CALHM4: variants seen among roughly 807,000 people sequenced by gnomAD.
CALHM4 encodes calcium homeostasis modulator protein 4.
A neutral mutation model predicts 13.3 loss-of-function variants in CALHM4; 16 were observed. The ratio of observed to expected loss-of-function variants is 1.20; its 90% CI spans 0.81 to 1.82. The LOEUF (loss-of-function observed/expected upper bound fraction) is 1.82, where lower values mean the gene tolerates loss of function less well. Among genes scored for constraint, CALHM4 ranks in the 40% most tolerant of loss-of-function variants. The pLI is 0.00. For synonymous variants in CALHM4, 127 were observed against 137.1 expected (o/e 0.93, Z 0.52); for missense variants, 344 against 374.9 (o/e 0.92, Z 0.68).
chr6:116,554,910 C>T (rs1436407657), intron 1 of CALHM4, among the ~76,000 whole-genome samples: 9 of 152,204 alleles, frequency 5.9e-5, no homozygotes, highest in African/African-American at 2.2e-4. Flanking sequence ...GGAAGAAAGC[C>T]TGAACCCTAC....
At chr6:116,555,778 A>G (rs576444249) in intron 1 of CALHM4, among the ~76,000 whole-genome samples, 1 of 152,338 alleles carries the variant, frequency 6.6e-6, no homozygotes, top group Admixed American at 6.5e-5. Context: ...TGAATTGACC[A>G]CAAAATCACC....
At chr6:116,556,162 C>T (rs2115296185) in intron 1 of CALHM4, among the ~76,000 whole-genome samples, 1 of 152,308 alleles carries the variant, frequency 6.6e-6, no homozygotes, top group African/African-American at 2.4e-5. Context: ...ATAATTTAGG[C>T]TTTTGCATTA....
chr6:116,542,610 A>G (rs1232671119), intron 1 of CALHM4, among the ~76,000 whole-genome samples: 2 of 152,098 alleles, frequency 1.3e-5, no homozygotes, highest in African/African-American at 2.4e-5. Flanking sequence ...ATTGTTTGGC[A>G]ATCATCTGAT....
chr6:116,555,964 G>C (rs1165755005), intron 1 of CALHM4, among the ~76,000 whole-genome samples: 1 of 152,064 alleles, frequency 6.6e-6, no homozygotes, highest in Non-Finnish European at 1.5e-5. Context: ...TTTTCTACTA[G>C]CCTAAGAACA....
rs1333031730 is a variant in CALHM4 at position 116,539,165 on chromosome 6, A to G, written c.-108-4600A>G. Among the ~76,000 whole-genome samples the G allele has an allele frequency of 6.6e-5, 10 of 152,366 alleles. No individual in the cohort carries two copies. The East Asian group carries it at 1.9e-3, about 29-fold the overall frequency. ...ATATTACAAGTATTTACTTTCCATT[A>G]AAACAGCTGGTATTCTTGTAGTATT... On this transcript the variant is annotated intron_variant, in intron 1 of 2. Coordinates refer to the CALHM4 transcript ENST00000368597.
chr6:116,553,716 T>G, upstream of CALHM4: 1 of 1,282,970 alleles, frequency 7.8e-7, no homozygotes, highest in Non-Finnish European at 1.1e-6. Flanking sequence ...ACCAGTAAGA[T>G]CCCATAAAAT....
At chr6:116,553,204 T>C (rs1774158823), upstream of CALHM4, among the ~76,000 whole-genome samples, 1 of 152,220 alleles carries the variant, frequency 6.6e-6, no homozygotes, top group Admixed American at 6.5e-5. Context: ...ATTTAAAATT[T>C]TTATGCAAAG....
At chr6:116,531,827 G>C (rs1197129802) in intron 1 of CALHM4, among the ~76,000 whole-genome samples, 2 of 149,466 alleles carry the variant, frequency 1.3e-5, no homozygotes, top group African/African-American at 4.9e-5. Context: ...ATAAATAATG[G>C]AAAAAACAAT....
chr6:116,545,706 G>T (rs766344942), intron 2 of CALHM4: 47 of 423,084 alleles, frequency 1.1e-4, no homozygotes, highest in Non-Finnish European at 1.7e-4. Flanking sequence ...TGAACAACAG[G>T]ATTGTCTTAT....
Position 116,554,136 on chromosome 6 carries a change from C to T in CALHM4, c.343C>T (p.Pro115Ser). 6.4e-7 allele frequency: 1 copy of T among 1,550,590 alleles called. No individual in the cohort carries two copies. The highest frequency in any genetic ancestry group is 8.7e-7 in the Non-Finnish European group (1 of 1,146,994). ...CATCACTGGGAGGGCAGTTATTGCT[C>T]CTTTAACTTGGCTGGCGGTGACCCT... ...FSITGRAVIA[P>S]LTWLAVTLLT... The change falls in exon 1 of 2, where the codon CCT becomes TCT. Residue 115 changes from proline (P) to serine (S), a missense_variant. Transcript: ENST00000368596.
Position 116,558,088 on chromosome 6 carries a change from T to C in CALHM4, c.822T>C (p.Asp274=), listed in dbSNP as rs1343463878. The change falls in exon 2 of 2, where the codon GAT becomes GAC. Residue 274 remains aspartate, a synonymous_variant. Coordinates refer to ENST00000368596, the MANE Select transcript of CALHM4 (RefSeq NM_001366078.2). ...TTCCTTCTTGTCAGGACTGGAAAGA[T>C]ATTTCAGTACCCACTCTTTTATGCA... ...IRIPSCQDWK[D]ISVPTLLCMG... 6.2e-7 allele frequency: 1 copy of C among 1,614,164 alleles called. No individual in the cohort carries two copies. The highest frequency in any genetic ancestry group is 8.5e-7 in the Non-Finnish European group (1 of 1,180,012).
intron 1 of CALHM4, among the ~76,000 whole-genome samples, chr6:116,533,769 G>A (rs1043926265): frequency 6.6e-6 from 1 of 151,802 alleles, no homozygotes; most frequent in South Asian, 2.1e-4. Flanking sequence ...TGTCTCTAGC[G>A]TGCCTTTTGT....
chr6:116,546,351 C>G (rs9374611), intron 2 of CALHM4, among the ~76,000 whole-genome samples: 1 of 151,982 alleles, frequency 6.6e-6, no homozygotes, highest in Admixed American at 6.6e-5. Context: ...AATCCTTTCA[C>G]CTTGACAACT....
intron 1 of CALHM4, among the ~76,000 whole-genome samples, chr6:116,557,609 C>T (rs1305485465): frequency 6.6e-6 from 1 of 152,160 alleles, no homozygotes; most frequent in Non-Finnish European, 1.5e-5. Flanking sequence ...CTTTGTAACT[C>T]AAAAACGAAG....
chr6:116,557,909 T>G lies in CALHM4; in HGVS notation c.643T>G (p.Ser215Ala), dbSNP rs757401230. ...GGCAAAGTGCTGCTCTCCCCTCACC[T>G]CTCTGCAACATTGCTACTGGACCAG... ...CVAKCCSPLT[S>A]LQHCYWTSHL... is the part of the protein sequence containing the mutation. Residue 215 changes from serine (S) to alanine (A), a missense_variant, in exon 2 of 2, where the codon TCT becomes GCT. Transcript: ENST00000368596. The G allele has an allele frequency of 1.2e-6, 2 of 1,613,934 alleles. No individual in the cohort carries two copies. The highest frequency in any genetic ancestry group is 3.3e-5 in the Admixed American group (2 of 59,988).
At position 116,559,613 on chromosome 6, in the gene CALHM4, A is replaced by G. The variant is rs905963957; in HGVS notation, c.*1402A>G. Among the ~76,000 whole-genome samples, 1 of 151,986 alleles carries G rather than the reference A, an allele frequency of 6.6e-6. No individual in the cohort carries two copies. Among genetic ancestry groups the G allele is most frequent in the African/African-American group, 2.4e-5 (1 of 41,374 alleles). On this transcript the variant is annotated 3_prime_UTR_variant, in exon 2 of 2. Coordinates refer to ENST00000368596, the MANE Select transcript of CALHM4 (RefSeq NM_001366078.2). ...GGAGAACTGTCCTGCCCTCACCATT[A>G]CTCATCTGTCATTTGACCTTGGACA...
At chr6:116,545,843 C>T (rs941970447) in intron 2 of CALHM4, among the ~76,000 whole-genome samples, 11 of 152,192 alleles carry the variant, frequency 7.2e-5, no homozygotes, top group Middle Eastern at 3.4e-3. Context: ...TTCTTTAGCC[C>T]GAGGGAGTTC....
intron 2 of CALHM4, among the ~76,000 whole-genome samples, chr6:116,546,312 C>T (rs576177129): frequency 3.3e-5 from 5 of 152,214 alleles, no homozygotes; most frequent in African/African-American, 4.8e-5. Flanking sequence ...TCTTTATTTA[C>T]GCAGAAATAC....
At chr6:116,544,845 A>G (rs901739849) in intron 2 of CALHM4, among the ~76,000 whole-genome samples, 14 of 152,120 alleles carry the variant, frequency 9.2e-5, no homozygotes, top group Non-Finnish European at 1.8e-4. Context: ...TGACATAATT[A>G]ACAGAATTTT....
Sources: gnomAD v4.1 joint callset for allele counts (sites outside exome capture counted in the v4.1 genomes callset) on GRCh38, gnomAD v4.1.1 for gene constraint, MANE v1.5 for transcripts, NCBI Gene and HGNC (gene_info 2026-07-23, HGNC 2026-07-21) for gene names.